The following EXT2 variants were observed in gnomAD, a reference collection of about 807,000 sequenced individuals.
EXT2 encodes the protein exostosin-2.
In EXT2, 53 loss-of-function variants were observed where a neutral mutation model predicts 81.6. The ratio of observed to expected loss-of-function variants is 0.65; its 90% CI spans 0.52 to 0.82. The LOEUF is 0.82. Among genes scored for constraint, EXT2 ranks in the 40% least tolerant of loss-of-function variants. The pLI is 0.00. For synonymous variants in EXT2, 320 were observed against 340.0 expected, an observed-to-expected ratio of 0.94 and a Z score of 0.65; for missense variants, 774 against 910.2, an observed-to-expected ratio of 0.85 and a Z score of 1.93.
intron 4 of EXT2, among the ~76,000 whole-genome samples, chr11:44,122,906 GTTTAA>G (rs1954339482): frequency 6.6e-6 from 1 of 152,226 alleles, no homozygotes; most frequent in Admixed American, 6.5e-5. Context: ...CTTTTAATTA[GTTTAA>G]TTTAAATGGC....
intron 7 of EXT2, among the ~76,000 whole-genome samples, chr11:44,132,900 T>C (rs1310230022): frequency 6.6e-6 from 1 of 152,234 alleles, no homozygotes; most frequent in Non-Finnish European, 1.5e-5. Flanking sequence ...CTCTTTTCTT[T>C]TCCTAACCCC....
At chr11:44,117,117 G>A (rs1565200329) in intron 4 of EXT2, among the ~76,000 whole-genome samples, 1 of 151,946 alleles carries the variant, frequency 6.6e-6, no homozygotes, top group Non-Finnish European at 1.5e-5. Context: ...TTACAGGCGT[G>A]TGCCACCACG....
intron 10 of EXT2, among the ~76,000 whole-genome samples, chr11:44,215,237 A>G (rs1260593636): frequency 6.6e-6 from 1 of 152,176 alleles, no homozygotes; most frequent in Non-Finnish European, 1.5e-5. Flanking sequence ...ATATATGCAT[A>G]TAAAGCTATA....
intron 7 of EXT2, among the ~76,000 whole-genome samples, chr11:44,168,585 G>A (rs922069727): frequency 1.3e-5 from 2 of 152,172 alleles, no homozygotes; most frequent in Non-Finnish European, 2.9e-5. Flanking sequence ...AAGCTTAAAT[G>A]CAGTCAGAAA....
rs1375395847 is a variant in EXT2, at chr11:44,247,568, A to G, written c.*3281A>G. 2.0e-5 allele frequency among the ~76,000 whole-genome samples: 3 copies of G among 152,136 alleles called. No homozygotes were observed. The highest frequency in any genetic ancestry group is 2.9e-5 in the Non-Finnish European group (2 of 68,024). On this transcript the variant is annotated 3_prime_UTR_variant, in exon 14 of 14. Coordinates refer to ENST00000533608, the MANE Select transcript of EXT2 (RefSeq NM_207122.2). ...CGCTCAGCCACTGTATCCTTTACTC[A>G]GTGTCATCAAGTTCAAAGCTCTGAC...
At chr11:44,157,790 A>C (rs980081406) in intron 7 of EXT2, among the ~76,000 whole-genome samples, 2 of 152,128 alleles carry the variant, frequency 1.3e-5, no homozygotes, top group African/African-American at 4.8e-5. Flanking sequence ...GAGCAGGAGG[A>C]GTCTCTCCCA....
In EXT2 at chr11:44,194,784, C is replaced by T. The variant is rs74756417; in HGVS notation, c.1306-3045C>T. Among the ~76,000 whole-genome samples, 835 of 152,168 alleles carry T rather than the reference C, an allele frequency of 5.5e-3. 12 individuals carry two copies. Among genetic ancestry groups the T allele is most frequent in the African/African-American group, 0.019 (791 of 41,504 alleles). On this transcript the variant is annotated intron_variant, in intron 8 of 13. Transcript: ENST00000533608. ...ATCACACATTAAATCATTTTATACA[C>T]TTTTTTAAAGGAATCTTTTTGTTTC...
At chr11:44,197,212 G>A (rs1955465425) in intron 8 of EXT2, among the ~76,000 whole-genome samples, 1 of 152,142 alleles carries the variant, frequency 6.6e-6, no homozygotes, top group Admixed American at 6.5e-5. Flanking sequence ...GATCAAGGGA[G>A]GGTTTGTGAA....
intron 7 of EXT2, among the ~76,000 whole-genome samples, chr11:44,149,254 C>G (rs557800924): frequency 2.6e-5 from 4 of 152,012 alleles, no homozygotes; most frequent in Non-Finnish European, 4.4e-5. Flanking sequence ...CTCAGCTACT[C>G]GAGAGGCTGA....
intron 7 of EXT2, chr11:44,144,464 G>A: frequency 1.2e-6 from 1 of 807,096 alleles, no homozygotes; most frequent in South Asian, 1.8e-5. Flanking sequence ...CACCCCAATG[G>A]CTCTTGGAGG....
At chr11:44,116,642 C>T (rs1052397872) in intron 4 of EXT2, 12 of 152,280 alleles carry the variant, frequency 7.9e-5, no homozygotes, top group South Asian at 6.2e-4. Context: ...ATGAGGGTTT[C>T]GATTTCCCCA....
chr11:44,192,832 C>T (rs920532148), intron 8 of EXT2, among the ~76,000 whole-genome samples: 8 of 152,164 alleles, frequency 5.3e-5, no homozygotes, highest in Admixed American at 3.3e-4. Context: ...GAACACAGCA[C>T]AGTAAGATTC....
At chr11:44,223,834 G>A (rs1955808850) in intron 10 of EXT2, among the ~76,000 whole-genome samples, 5 of 152,044 alleles carry the variant, frequency 3.3e-5, no homozygotes, top group Admixed American at 3.3e-4. Flanking sequence ...TGAATTTTCA[G>A]TAGAGACGGG....
At chr11:44,119,120 CTATTTATA>C (rs1371887563) in intron 4 of EXT2, among the ~76,000 whole-genome samples, 7 of 28,800 alleles carry the variant, frequency 2.4e-4, no homozygotes, top group South Asian at 1.4e-3. Context: ...GGACATTTGG[CTATTTATA>C]TATATATATA....
At chr11:44,240,138 C>T (rs1462358940) in intron 13 of EXT2, among the ~76,000 whole-genome samples, 1 of 152,146 alleles carries the variant, frequency 6.6e-6, no homozygotes, top group African/African-American at 2.4e-5. Context: ...GTTGAATCTA[C>T]AAACATGGAA....
intron 8 of EXT2, among the ~76,000 whole-genome samples, chr11:44,190,407 G>A (rs1955376128): frequency 6.6e-6 from 1 of 152,170 alleles, no homozygotes; most frequent in South Asian, 2.1e-4. Flanking sequence ...GAATAGGTAA[G>A]GCTTCTCATT....
chr11:44,216,746 C>CA (rs1419782352), intron 10 of EXT2, among the ~76,000 whole-genome samples: 1 of 151,818 alleles, frequency 6.6e-6, no homozygotes, highest in Non-Finnish European at 1.5e-5. Context: ...GATTAAAGGC[C>CA]AGTTCACAGA....
In EXT2 at chr11:44,107,719, G is replaced by A; in HGVS notation, c.7G>A (p.Ala3Thr). 1 of 1,614,164 alleles carries A rather than the reference G, an allele frequency of 6.2e-7. No homozygotes were observed. Among genetic ancestry groups the A allele is most frequent in the Non-Finnish European group, 8.5e-7 (1 of 1,180,006 alleles). Reference protein sequence around the residue: MCASVKYNIRGPA... With the variant: MCTSVKYNIRGPA... ...AGAGGCTGTCTGTGTCATTATGTGT[G>A]CGTCGGTCAAGTATAATATCCGGGG... Residue 3 changes from alanine to threonine, a missense_variant, in exon 2 of 14, where the codon GCG (alanine) becomes ACG (threonine). Transcript: ENST00000533608.
In EXT2 at chr11:44,232,419, A is replaced by G; in HGVS notation, c.1729A>G (p.Met577Val). ...PGRLHLWDHE[M>V]NKWKYESEWT... is the part of the protein sequence containing the mutation. ...TCGTCTGCATCTCTGGGACCATGAG[A>G]TGAATAAGTGGAAGTATGAGTCTGA... The change falls in exon 11 of 14, where the codon ATG becomes GTG. Residue 577 changes from methionine to valine, a missense_variant. This residue lies in a region of EXT2 where 148 missense variants were observed against 239.7 expected (regional missense o/e 0.62). Transcript: ENST00000533608. 1 of 1,614,034 alleles carries G rather than the reference A, an allele frequency of 6.2e-7. No individual in the cohort carries two copies. The highest frequency in any genetic ancestry group is 8.5e-7 in the Non-Finnish European group (1 of 1,179,988).
Sources: allele counts gnomAD v4.1 joint callset (sites outside exome capture counted in the v4.1 genomes callset), GRCh38; gene constraint gnomAD v4.1.1; regional missense constraint gnomAD v4.1.1; transcripts MANE v1.5; gene names NCBI Gene and HGNC (gene_info 2026-07-23, HGNC 2026-07-21).